The following CDH18 variants were observed in gnomAD, a reference collection of about 807,000 sequenced individuals.
CDH18 encodes cadherin-18.
Under a neutral mutation model 67.9 loss-of-function variants are expected in CDH18, and 31 were observed. The ratio of observed to expected loss-of-function variants is 0.46; its 90% confidence interval spans 0.34 to 0.62. The LOEUF (loss-of-function observed/expected upper bound fraction) is 0.62, where lower values mean the gene tolerates loss of function less well. Among genes scored for constraint, CDH18 ranks in the 20% least tolerant of loss-of-function variants. The pLI, the probability that CDH18 is intolerant of heterozygous loss-of-function variation, is 0.01. For missense variants in CDH18, 890 were observed against 975.5 expected, an observed-to-expected ratio of 0.91 and a Z score of 1.17; for synonymous variants, 362 against 347.2, an observed-to-expected ratio of 1.04 and a Z score of -0.48.
chr5:20,429,458 C>T (rs1748570733), intron 1 of CDH18, among the ~76,000 whole-genome samples: 1 of 152,140 alleles, frequency 6.6e-6, no homozygotes, highest in Admixed American at 6.5e-5. Flanking sequence ...TATGATTTAA[C>T]CCAACAAAGA....
intron 1 of CDH18, among the ~76,000 whole-genome samples, chr5:20,439,799 A>G (rs1230979590): frequency 2.0e-5 from 3 of 151,752 alleles, no homozygotes; most frequent in South Asian, 2.1e-4. Context: ...AATGTGTTGA[A>G]GACTTGTCAT....
intron 2 of CDH18, among the ~76,000 whole-genome samples, chr5:20,181,207 C>T (rs1293504152): frequency 1.3e-5 from 2 of 152,136 alleles, no homozygotes; most frequent in African/African-American, 2.4e-5. Context: ...ATTTCAGTTG[C>T]TCCTCCCATA....
chr5:20,355,297 T>C (rs532155549), intron 1 of CDH18, among the ~76,000 whole-genome samples: 1 of 152,354 alleles, frequency 6.6e-6, no homozygotes, highest in Admixed American at 6.5e-5. Flanking sequence ...CATCTTCTCA[T>C]GAAAGCAACC....
At chr5:20,475,429 G>A (rs1359386663) in intron 1 of CDH18, among the ~76,000 whole-genome samples, 1 of 152,100 alleles carries the variant, frequency 6.6e-6, no homozygotes, top group Non-Finnish European at 1.5e-5. Context: ...AGCAACAAAA[G>A]CCATTGATAG....
chr5:20,306,774 G>A (rs1736496984), intron 1 of CDH18, among the ~76,000 whole-genome samples: 1 of 151,718 alleles, frequency 6.6e-6, no homozygotes, highest in South Asian at 2.1e-4. Flanking sequence ...TTCCCTATAT[G>A]GAAAACACAA....
At chr5:20,382,829 A>G (rs1282288412) in intron 1 of CDH18, among the ~76,000 whole-genome samples, 4 of 152,170 alleles carry the variant, frequency 2.6e-5, no homozygotes, top group Non-Finnish European at 4.4e-5. Flanking sequence ...TTGTAACTAC[A>G]GTGTGGACTG....
chr5:20,268,111 G>T (rs1373626000), intron 1 of CDH18, among the ~76,000 whole-genome samples: 1 of 152,118 alleles, frequency 6.6e-6, no homozygotes, highest in African/African-American at 2.4e-5. Context: ...CACACATATG[G>T]CTGCAAATGA....
intron 1 of CDH18, among the ~76,000 whole-genome samples, chr5:20,414,211 A>G (rs1483681592): frequency 6.6e-6 from 1 of 152,198 alleles, no homozygotes; most frequent in Non-Finnish European, 1.5e-5. Context: ...ACATTCTACC[A>G]AAAAGACAAC....
At chr5:20,417,669 G>C (rs1161336697) in intron 1 of CDH18, among the ~76,000 whole-genome samples, 1 of 152,162 alleles carries the variant, frequency 6.6e-6, no homozygotes, top group Non-Finnish European at 1.5e-5. Flanking sequence ...AAGACAGTTA[G>C]AGAAGACAGC....
intron 1 of CDH18, among the ~76,000 whole-genome samples, chr5:20,566,966 T>C (rs951986847): frequency 3.9e-5 from 6 of 152,166 alleles, no homozygotes; most frequent in Admixed American, 2.0e-4. Flanking sequence ...TGTTCAATAC[T>C]GTATTGAAGG....
At chr5:20,538,900 T>TTTTG (rs1756880886) in intron 1 of CDH18, among the ~76,000 whole-genome samples, 2 of 128,978 alleles carry the variant, frequency 1.6e-5, no homozygotes, top group Admixed American at 8.1e-5. Context: ...AGCCAACTGT[T>TTTTG]TTTTTTTTGT....
In CDH18 at chr5:20,007,772, T is replaced by C. The variant is rs1737039273; in HGVS notation, c.-517-15758A>G. On this transcript the variant is annotated intron_variant, in intron 2 of 14. Coordinates refer to the CDH18 transcript ENST00000507958. ...GTATGGTATGTGAACTAAGAATGTT[T>C]TTACATTTTTTAAATGGTTAAGAAA... 1.3e-5 allele frequency among the ~76,000 whole-genome samples: 2 copies of C among 151,732 alleles called. 1 individual carries two copies. The highest frequency in any genetic ancestry group is 4.2e-4 in the South Asian group (2 of 4,804).
chr5:20,400,626 G>A (rs1430326025), intron 1 of CDH18, among the ~76,000 whole-genome samples: 3 of 150,410 alleles, frequency 2.0e-5, no homozygotes, highest in Non-Finnish European at 4.4e-5. Flanking sequence ...AGGTGTGGTG[G>A]TGGCACACGC....
intron 1 of CDH18, among the ~76,000 whole-genome samples, chr5:20,521,628 A>C (rs1755748470): frequency 6.6e-6 from 1 of 152,108 alleles, no homozygotes; most frequent in African/African-American, 2.4e-5. Context: ...GAAGGGAGAA[A>C]TGGGTTAAAG....
intron 3 of CDH18, among the ~76,000 whole-genome samples, chr5:19,829,506 G>A (rs1327428046): frequency 6.6e-6 from 1 of 152,068 alleles, no homozygotes; most frequent in African/African-American, 2.4e-5. Flanking sequence ...ACCTAATCAG[G>A]GAGGTGAAAG....
chr5:20,225,808 A>G (rs1741580096), intron 2 of CDH18, among the ~76,000 whole-genome samples: 1 of 152,126 alleles, frequency 6.6e-6, no homozygotes, highest in Admixed American at 6.6e-5. Context: ...GATCAGTAGG[A>G]GAAGGGTACT....
intron 3 of CDH18, among the ~76,000 whole-genome samples, chr5:19,779,638 A>C (rs1467693995): frequency 6.6e-6 from 1 of 152,124 alleles, no homozygotes; most frequent in Non-Finnish European, 1.5e-5. Context: ...TTTTTTTCTT[A>C]ATGTCCTGTA....
chr5:19,530,257 C>G (rs1397642257), intron 9 of CDH18, among the ~76,000 whole-genome samples: 2 of 151,858 alleles, frequency 1.3e-5, no homozygotes, highest in Non-Finnish European at 2.9e-5. Flanking sequence ...TCTTACCACT[C>G]ATCATATATA....
chr5:19,803,374 C>G (rs1777667620), intron 3 of CDH18, among the ~76,000 whole-genome samples: 1 of 152,130 alleles, frequency 6.6e-6, no homozygotes, highest in Non-Finnish European at 1.5e-5. Flanking sequence ...CAAGTACTGT[C>G]TGATATTGTA....
Sources: allele counts gnomAD v4.1 joint callset (sites outside exome capture counted in the v4.1 genomes callset), GRCh38; gene constraint gnomAD v4.1.1; transcripts MANE v1.5; gene names NCBI Gene and HGNC (gene_info 2026-07-23, HGNC 2026-07-21).